The following CYP4X1 variants were observed in gnomAD, a reference collection of about 807,000 sequenced individuals.
The protein encoded by CYP4X1 is cytochrome P450 family 4 subfamily X member 1.
In CYP4X1, 44 loss-of-function variants were observed where a neutral mutation model predicts 57.9. The observed-to-expected ratio is 0.76, with a 90% CI of 0.60 to 0.98. CYP4X1 has a LOEUF of 0.98. CYP4X1 is among the 50% of genes least tolerant of loss of function. CYP4X1 has a pLI of 0.00. For synonymous variants in CYP4X1, 227 were observed against 228.6 expected (o/e 0.99, Z 0.06); for missense variants, 532 against 623.9 (o/e 0.85, Z 1.57).
chr1:46,962,210 G>A, the CYP4X1 span, among the ~76,000 whole-genome samples: 10 of 151,898 alleles, frequency 6.6e-5, no homozygotes, highest in Non-Finnish European at 1.2e-4. Context: ...TCCGCCTCCC[G>A]GGTTCGAGTG....
chr1:47,024,190 A>G (rs1644036318), intron 1 of CYP4X1, among the ~76,000 whole-genome samples, 196 bp downstream of exon 1: 1 of 152,170 alleles, frequency 6.6e-6, no homozygotes, highest in Admixed American at 6.5e-5. Flanking sequence ...GCAGCCCCAC[A>G]GGGAAAGGTC....
intron 8 of CYP4X1, 44 bp downstream of exon 8, chr1:47,039,576 A>G: frequency 1.3e-6 from 2 of 1,521,848 alleles, no homozygotes; most frequent in South Asian, 2.6e-5. Context: ...TTTCCCCCTG[A>G]GATTTTGCTT....
the CYP4X1 span, among the ~76,000 whole-genome samples, chr1:47,013,669 C>A: frequency 8.6e-5 from 13 of 150,996 alleles, no homozygotes; most frequent in African/African-American, 3.2e-4. Flanking sequence ...TCCAAAATAG[C>A]AATTTATTTA....
chr1:47,024,063 C>T, intron 1 of CYP4X1, 69 bp downstream of exon 1: 1 of 1,514,970 alleles, frequency 6.6e-7, no homozygotes, highest in Non-Finnish European at 8.9e-7. Flanking sequence ...GGAGCCCAGC[C>T]GGCAGAGAGA....
At chr1:47,038,909 C>T (rs957646762) in intron 7 of CYP4X1, 143 bp downstream of exon 7, 11 of 585,550 alleles carry the variant, frequency 1.9e-5, no homozygotes, top group Non-Finnish European at 2.8e-5. Context: ...CAGCTTCATG[C>T]AATTTGAGAC....
chr1:47,015,551 C>A, the CYP4X1 span, among the ~76,000 whole-genome samples: 1 of 152,164 alleles, frequency 6.6e-6, no homozygotes, highest in Non-Finnish European at 1.5e-5. Flanking sequence ...CCCAGTTTAA[C>A]CCCTTCAAAA....
chr1:47,027,418 C>T (rs1303268272), intron 1 of CYP4X1, among the ~76,000 whole-genome samples: 4 of 152,108 alleles, frequency 2.6e-5, no homozygotes, highest in East Asian at 1.9e-4. Flanking sequence ...TATTTTGATA[C>T]GTGCATACAA....
chr1:46,976,311 C>T, the CYP4X1 span, among the ~76,000 whole-genome samples: 14 of 152,134 alleles, frequency 9.2e-5, no homozygotes, highest in Admixed American at 7.2e-4. Flanking sequence ...CGCCTGGATC[C>T]GTGGGTCCCA....
At chr1:47,031,543 G>A (rs1381811833) in intron 3 of CYP4X1, 63 bp downstream of exon 3, 4 of 1,559,858 alleles carry the variant, frequency 2.6e-6, no homozygotes, top group African/African-American at 1.4e-5. Flanking sequence ...CCATAGTAGA[G>A]CATGCCAAAG....
chr1:47,046,770 C>T (rs560678413), intron 9 of CYP4X1, among the ~76,000 whole-genome samples, 170 bp downstream of exon 9: 4 of 152,290 alleles, frequency 2.6e-5, no homozygotes, highest in Admixed American at 2.0e-4. Flanking sequence ...TTTGGTCAGA[C>T]ATGAATTTCA....
At chr1:46,985,102 C>T in the CYP4X1 span, among the ~76,000 whole-genome samples, 22 of 152,194 alleles carry the variant, frequency 1.4e-4, no homozygotes, top group Non-Finnish European at 7.3e-5. Context: ...GAAGTTCCAA[C>T]TGGGCAGAGC....
chr1:47,053,769 G>GT (rs1644374141), downstream of CYP4X1, among the ~76,000 whole-genome samples: 1 of 152,074 alleles, frequency 6.6e-6, no homozygotes, highest in Admixed American at 6.6e-5. Flanking sequence ...GGGGTTGTTT[G>GT]TTTTTTTCTT....
chr1:47,011,089 C>G, the CYP4X1 span, among the ~76,000 whole-genome samples: 3 of 152,066 alleles, frequency 2.0e-5, no homozygotes, highest in African/African-American at 7.2e-5. Flanking sequence ...AAAAACAGCC[C>G]GCATTGCCAA....
the CYP4X1 span, among the ~76,000 whole-genome samples, chr1:47,016,382 C>T: frequency 6.7e-6 from 1 of 149,058 alleles, no homozygotes; most frequent in African/African-American, 2.5e-5. Context: ...TGCTCTGTTG[C>T]CCAGGCTGCA....
chr1:47,024,145 C>T, intron 1 of CYP4X1, 151 bp downstream of exon 1: 1 of 962,104 alleles, frequency 1.0e-6, no homozygotes, highest in Non-Finnish European at 1.5e-6. Context: ...TGGCTCTTAG[C>T]ATCATTTTTC....
chr1:46,986,792 G>C, the CYP4X1 span, among the ~76,000 whole-genome samples: 7 of 152,060 alleles, frequency 4.6e-5, no homozygotes, highest in Non-Finnish European at 7.3e-5. Context: ...CTTCATAAGT[G>C]AAGGAGAAAT....
At chr1:47,019,172 T>A (rs1012520960), upstream of CYP4X1, among the ~76,000 whole-genome samples, 2 of 152,214 alleles carry the variant, frequency 1.3e-5, no homozygotes, top group Admixed American at 6.5e-5. Context: ...AATCTATAAC[T>A]AAGAGCTGAG....
the CYP4X1 span, among the ~76,000 whole-genome samples, chr1:46,986,585 G>A: frequency 6.6e-6 from 1 of 152,074 alleles, no homozygotes; most frequent in Non-Finnish European, 1.5e-5. Context: ...ATAATTGTCA[G>A]ACTCACCAAG....
chr1:47,015,213 TGAGAGTAGGAAC>T, the CYP4X1 span, among the ~76,000 whole-genome samples: 1 of 152,196 alleles, frequency 6.6e-6, no homozygotes, highest in African/African-American at 2.4e-5. Context: ...TGCAGAACAG[TGAGAGTAGGAAC>T]TGGTTCTATG....
Sources: allele counts gnomAD v4.1 joint callset (sites outside exome capture counted in the v4.1 genomes callset), GRCh38; gene constraint gnomAD v4.1.1; transcripts MANE v1.5; gene names NCBI Gene and HGNC (gene_info 2026-07-23, HGNC 2026-07-21).